Variants in AFF2 observed in about 807,000 individuals in gnomAD.
The protein encoded by AFF2 is ALF transcription elongation factor 2.
In AFF2, 14 loss-of-function variants were observed where a neutral mutation model predicts 76.9. The ratio of observed to expected loss-of-function variants is 0.18; its 90% confidence interval spans 0.12 to 0.28. The LOEUF (loss-of-function observed/expected upper bound fraction) is 0.28, where lower values mean the gene tolerates loss of function less well. Ranked by LOEUF, AFF2 falls within the 10% of genes least tolerant of loss-of-function variation. AFF2 has a pLI of 1.00. For synonymous variants in AFF2, 398 were observed against 366.7 expected (o/e 1.09, Z -0.98); for missense variants, 868 against 1,001.1 (o/e 0.87, Z 1.79).
chrX:148,911,832 T>C (rs1013499712), intron 9 of AFF2, among the ~76,000 whole-genome samples: 1 of 112,037 alleles, frequency 8.9e-6, no homozygotes, highest in Non-Finnish European at 1.9e-5. Flanking sequence ...ATGTGGCAAA[T>C]CCTCAAAGAA....
chrX:148,637,137 C>T (rs1485931083), intron 1 of AFF2, among the ~76,000 whole-genome samples: 1 of 111,783 alleles, frequency 8.9e-6, no homozygotes, highest in East Asian at 2.8e-4. Flanking sequence ...TCAATTGGGT[C>T]TTAGCATTAA....
chrX:148,670,712 C>T (rs1334433069), intron 3 of AFF2, among the ~76,000 whole-genome samples: 1 of 111,668 alleles, frequency 9.0e-6, no homozygotes, highest in Non-Finnish European at 1.9e-5. Context: ...CTGAGCTTTC[C>T]CAGGTTTGTT....
chrX:148,765,813 C>T (rs2069506960), intron 3 of AFF2, among the ~76,000 whole-genome samples: 1 of 106,605 alleles, frequency 9.4e-6, no homozygotes, highest in Admixed American at 1.0e-4. Flanking sequence ...ACTAACTCGT[C>T]ATCTAGCATT....
At chrX:148,783,208 C>A (rs2069767100) in intron 3 of AFF2, among the ~76,000 whole-genome samples, 1 of 111,396 alleles carries the variant, frequency 9.0e-6, no homozygotes, top group Non-Finnish European at 1.9e-5. Flanking sequence ...AATTTATGTT[C>A]AGAAAACACA....
intron 1 of AFF2, among the ~76,000 whole-genome samples, chrX:148,515,872 G>A (rs2052529007): frequency 9.0e-6 from 1 of 111,644 alleles, no homozygotes; most frequent in Non-Finnish European, 1.9e-5. Flanking sequence ...CCAACCCCTT[G>A]TTCAGTCTCC....
chrX:148,742,003 C>T (rs189685409), intron 3 of AFF2, among the ~76,000 whole-genome samples: 56 of 112,009 alleles, frequency 5.0e-4, no homozygotes, highest in Non-Finnish European at 8.8e-4. Flanking sequence ...TGGGGTGTCT[C>T]CCGGGTCCTG....
intron 3 of AFF2, among the ~76,000 whole-genome samples, chrX:148,793,879 A>G (rs1557270159): frequency 8.9e-6 from 1 of 112,061 alleles, no homozygotes; most frequent in African/African-American, 3.2e-5. Flanking sequence ...CCTGTATAGG[A>G]GATGAGAGTA....
chrX:148,594,453 G>T (rs2053552040), intron 1 of AFF2, among the ~76,000 whole-genome samples: 1 of 111,875 alleles, frequency 8.9e-6, no homozygotes, highest in Admixed American at 9.5e-5. Context: ...TTCAATAGTG[G>T]ATTGATCACA....
chrX:148,745,286 A>C (rs2055407354), intron 3 of AFF2, among the ~76,000 whole-genome samples: 1 of 111,799 alleles, frequency 8.9e-6, no homozygotes, highest in South Asian at 3.8e-4. Flanking sequence ...AAATTGTTGT[A>C]CATCTATTGT....
intron 3 of AFF2, among the ~76,000 whole-genome samples, chrX:148,788,534 T>C (rs137926152): frequency 7.1e-4 from 80 of 112,174 alleles, no homozygotes; most frequent in African/African-American, 2.5e-3. Flanking sequence ...CTGCCTCTGT[T>C]CTCACCACCC....
chrX:148,584,654 C>G (rs1557245618), intron 1 of AFF2, among the ~76,000 whole-genome samples: 1 of 107,554 alleles, frequency 9.3e-6, no homozygotes, highest in East Asian at 2.9e-4. Flanking sequence ...CTCCCGGGTT[C>G]AAGCGATTCT....
At chrX:148,700,419 A>AGT (rs368077947) in intron 3 of AFF2, among the ~76,000 whole-genome samples, 13,115 of 82,242 alleles carry the variant, frequency 0.16, 1,028 homozygotes, top group African/African-American at 0.23. Flanking sequence ...GTACTGTTGA[A>AGT]GTGTGTGTGT....
intron 3 of AFF2, among the ~76,000 whole-genome samples, chrX:148,719,843 G>A (rs1248028556): frequency 3.6e-5 from 4 of 111,141 alleles, no homozygotes; most frequent in East Asian, 5.7e-4. Context: ...ATATGGAGGG[G>A]CCCAGCAGAG....
chrX:148,571,882 G>C (rs1378704557), intron 1 of AFF2, among the ~76,000 whole-genome samples: 2 of 110,854 alleles, frequency 1.8e-5, no homozygotes, highest in Non-Finnish European at 3.8e-5. Context: ...CTTTCTAAAA[G>C]TTATGAGAAA....
chrX:148,969,306 T>C (rs2072219351), intron 15 of AFF2, among the ~76,000 whole-genome samples: 1 of 112,670 alleles, frequency 8.9e-6, no homozygotes, highest in Non-Finnish European at 1.9e-5. Context: ...ATCTTAGTTA[T>C]TGCAATGGGG....
chrX:148,660,855 A>G (rs1356661876), intron 2 of AFF2, among the ~76,000 whole-genome samples: 1 of 112,635 alleles, frequency 8.9e-6, no homozygotes, highest in Non-Finnish European at 1.9e-5. Context: ...GAGAATAAAG[A>G]AAGTCACTTT....
At chrX:148,837,204 A>T (rs2070536901) in intron 4 of AFF2, among the ~76,000 whole-genome samples, 1 of 111,877 alleles carries the variant, frequency 8.9e-6, no homozygotes, top group Admixed American at 9.5e-5. Flanking sequence ...TTAGAAGAAA[A>T]GTTGAAGGTT....
intron 1 of AFF2, among the ~76,000 whole-genome samples, chrX:148,628,094 C>G (rs139853844): frequency 1.8e-5 from 2 of 111,098 alleles, no homozygotes; most frequent in Non-Finnish European, 3.8e-5. Context: ...GCCAGGGCAG[C>G]AGAATTCAGA....
intron 7 of AFF2, among the ~76,000 whole-genome samples, chrX:148,884,668 T>C (rs367826324): frequency 1.8e-5 from 2 of 112,498 alleles, no homozygotes; most frequent in East Asian, 5.6e-4. Flanking sequence ...GAAGATGCTG[T>C]GAAGCACAGT....
Sources: allele counts gnomAD v4.1 joint callset (sites outside exome capture counted in the v4.1 genomes callset), GRCh38; gene constraint gnomAD v4.1.1; transcripts MANE v1.5; gene names NCBI Gene and HGNC (gene_info 2026-07-23, HGNC 2026-07-21).